GSDME: variants seen among roughly 807,000 people sequenced by gnomAD.
GSDME encodes the protein gasdermin E.
Under a neutral mutation model 47.5 loss-of-function variants are expected in GSDME, and 44 were observed. The observed-to-expected ratio is 0.93, with a 90% confidence interval of 0.73 to 1.19. GSDME has a LOEUF of 1.19. Ranked by LOEUF, GSDME falls within the 50% of genes most tolerant of loss-of-function variation. The pLI, the probability that GSDME is intolerant of heterozygous loss-of-function variation, is 0.00. For missense variants in GSDME, 663 were observed against 604.2 expected (o/e 1.10, Z -1.02); for synonymous variants, 258 against 252.8 (o/e 1.02, Z -0.20).
rs1017126875 is a variant in GSDME at position 24,716,930 on chromosome 7, T to C, written c.697+324A>G. On this transcript the variant is annotated intron_variant, in intron 5 of 9. Transcript: ENST00000645220. The surrounding 1 kb of genome is among the most constrained non-coding windows in gnomAD (Gnocchi z 4.5). Reference sequence around the variant, plus strand: ...CTCATAGGACATCATGGCACCGGGGTTGATGCCCAGTGTGTCTGATGCAGA... The same window carrying C: ...CTCATAGGACATCATGGCACCGGGGCTGATGCCCAGTGTGTCTGATGCAGA... The C allele has an allele frequency of 2.6e-6, 1 of 388,070 alleles. No homozygotes were observed. The highest frequency in any genetic ancestry group is 4.9e-6 in the Non-Finnish European group (1 of 202,074). 24.0% of individuals were successfully genotyped at this position (388,070 alleles called of 1,614,324 possible).
chr7:24,794,936 T>C, the GSDME span, among the ~76,000 whole-genome samples: 1 of 152,086 alleles, frequency 6.6e-6, no homozygotes, highest in Non-Finnish European at 1.5e-5. Flanking sequence ...CCAAAACAGT[T>C]CAAATCCAGA....
chr7:24,786,757 G>C, the GSDME span, among the ~76,000 whole-genome samples: 1 of 152,192 alleles, frequency 6.6e-6, no homozygotes. The surrounding 1 kb of genome is among the most constrained non-coding windows in gnomAD (Gnocchi z 5.5). Context: ...ACAGCAATGT[G>C]AATGTGTTTA....
At chr7:24,707,160 A>G (rs1164142583) in intron 7 of GSDME, 5 of 371,796 alleles carry the variant, frequency 1.3e-5, no homozygotes, top group Non-Finnish European at 2.1e-5. Context: ...TTTCGGCACA[A>G]TCTAATTTCA....
rs1789803540 is a variant in GSDME, at chr7:24,721,918, T to A, written c.405-2700A>T. Among the ~76,000 whole-genome samples the A allele has an allele frequency of 6.6e-6, 1 of 152,230 alleles. No individual in the cohort carries two copies. The stretch of plus-strand genomic sequence containing the variant: ...CCCCGAGGCGTTGGCACACATTCCC[T>A]GATGGCCACATTTCACTGACTCATT... On this transcript the variant is annotated intron_variant, in intron 3 of 9. Coordinates refer to ENST00000645220, the MANE Select transcript of GSDME (RefSeq NM_001127453.2). This position sits in a 1 kb window ranked among gnomAD's most constrained non-coding sequence, Gnocchi z 4.1.
intron 3 of GSDME, among the ~76,000 whole-genome samples, chr7:24,722,877 G>T (rs76847937): frequency 1.3e-5 from 2 of 152,288 alleles, no homozygotes; most frequent in Non-Finnish European, 2.9e-5. Context: ...TTGCTGAGTC[G>T]CTGCCTTCAA....
chr7:24,710,902 G>A (rs1789328979), intron 5 of GSDME, among the ~76,000 whole-genome samples: 1 of 152,198 alleles, frequency 6.6e-6, no homozygotes, highest in African/African-American at 2.4e-5. Flanking sequence ...TTATATGAAT[G>A]AATTTCACAA....
Position 24,745,658 on chromosome 7 carries a change from A to G in GSDME, c.212-904T>C, listed in dbSNP as rs1790645145. Among the ~76,000 whole-genome samples, 1 of 152,020 alleles carries G rather than the reference A, an allele frequency of 6.6e-6. No individual in the cohort carries two copies. Among genetic ancestry groups the G allele is most frequent in the Admixed American group, 6.6e-5 (1 of 15,262 alleles). ...GTGGCTCACATTTGTAATCCCAGCA[A>G]TTTAGGAGGCTGAGGCAGGAGGATC... On this transcript the variant is annotated intron_variant, in intron 2 of 9. Transcript: ENST00000645220. The surrounding 1 kb of genome is among the most constrained non-coding windows in gnomAD (Gnocchi z 4.4).
the GSDME span, among the ~76,000 whole-genome samples, chr7:24,781,108 G>C: frequency 6.6e-6 from 1 of 152,204 alleles, no homozygotes. Context: ...TACTGAATGG[G>C]TAGTGACAAA....
chr7:24,765,223 A>C, the GSDME span, among the ~76,000 whole-genome samples: 1 of 152,218 alleles, frequency 6.6e-6, no homozygotes, highest in African/African-American at 2.4e-5. Context: ...GCCCCTAGAG[A>C]AGTCACAGTG....
chr7:24,709,832 G>A (rs1789276192), intron 6 of GSDME, among the ~76,000 whole-genome samples: 1 of 152,124 alleles, frequency 6.6e-6, no homozygotes, highest in Non-Finnish European at 1.5e-5. Flanking sequence ...TCTTGACAAT[G>A]AAGCCCAGAA....
the GSDME span, among the ~76,000 whole-genome samples, chr7:24,777,077 A>G: frequency 1.3e-5 from 2 of 152,290 alleles, no homozygotes; most frequent in Middle Eastern, 3.4e-3. Context: ...AAAGTAACGA[A>G]TTACTTTTAT....
the GSDME span, among the ~76,000 whole-genome samples, chr7:24,790,102 CT>C: frequency 6.6e-6 from 1 of 152,204 alleles, no homozygotes; most frequent in Admixed American, 6.5e-5. The surrounding 1 kb of genome is among the most constrained non-coding windows in gnomAD (Gnocchi z 4.1). Context: ...ACTACTTGCC[CT>C]TGATCATCTA....
chr7:24,735,668 G>C lies in GSDME; in HGVS notation c.404+8894C>G, dbSNP rs1334591888. 6.6e-6 allele frequency among the ~76,000 whole-genome samples: 1 copy of C among 152,006 alleles called. No homozygotes were observed. Among genetic ancestry groups the C allele is most frequent in the African/African-American group, 2.4e-5 (1 of 41,384 alleles). On this transcript the variant is annotated intron_variant, in intron 3 of 9. Transcript: ENST00000645220. The surrounding 1 kb of genome is among the most constrained non-coding windows in gnomAD (Gnocchi z 4.4). ...AACTACTCAGGAGGCTGAGGCAGGA[G>C]AATCACTGGAACCTGGGAGGTAGAG... is the stretch of plus-strand genomic sequence containing the variant.
intron 3 of GSDME, among the ~76,000 whole-genome samples, chr7:24,730,045 G>A (rs1790094425): frequency 6.6e-6 from 1 of 152,196 alleles, no homozygotes; most frequent in African/African-American, 2.4e-5. Flanking sequence ...GGTGAAGAAG[G>A]AGCTATGTCT....
rs374257591 is a variant in GSDME, at chr7:24,738,227, TAA to T, written c.404+6333_404+6334del. 4.9e-3 allele frequency among the ~76,000 whole-genome samples: 748 copies of T among 152,194 alleles called. 1 individual carries two copies. Among genetic ancestry groups the T allele is most frequent in the Non-Finnish European group, 7.4e-3 (505 of 67,950 alleles). On this transcript the variant is annotated intron_variant, in intron 3 of 9. Coordinates refer to ENST00000645220, the MANE Select transcript of GSDME (RefSeq NM_001127453.2). ...ACATGATCTTATATTTGGAAAAACT[TAA>T]AGACTCCACCAAAAAACTATTAAAG...
intron 3 of GSDME, among the ~76,000 whole-genome samples, chr7:24,730,834 TAAA>T (rs1190440642): frequency 6.6e-6 from 1 of 151,670 alleles, no homozygotes; most frequent in Non-Finnish European, 1.5e-5. Flanking sequence ...AATAAAAAAA[TAAA>T]AAATGAAACT....
At chr7:24,794,805 G>A in the GSDME span, among the ~76,000 whole-genome samples, 2 of 151,898 alleles carry the variant, frequency 1.3e-5, no homozygotes, top group Admixed American at 1.3e-4. Flanking sequence ...CCACAAAGAG[G>A]GAAGGCAAAA....
the GSDME span, among the ~76,000 whole-genome samples, chr7:24,782,639 C>A: frequency 1.3e-5 from 2 of 152,174 alleles, no homozygotes; most frequent in Non-Finnish European, 2.9e-5. Flanking sequence ...GAGGAATTAC[C>A]ACACTGTCTT....
Position 24,712,241 on chromosome 7 carries a change from G to T in GSDME, c.698-1853C>A, listed in dbSNP as rs571658158. Among the ~76,000 whole-genome samples the T allele has an allele frequency of 6.6e-6, 1 of 152,310 alleles. No individual in the cohort carries two copies. Among genetic ancestry groups the T allele is most frequent in the South Asian group, 2.1e-4 (1 of 4,826 alleles). ...CTCCACACTTTGCGCTTAGCCACAGGGGTGCAGGAGTGTGAACCAGCACCT... is the reference window on the plus strand; with the variant it reads ...CTCCACACTTTGCGCTTAGCCACAGTGGTGCAGGAGTGTGAACCAGCACCT... On this transcript the variant is annotated intron_variant, in intron 5 of 9. Transcript: ENST00000645220. This position sits in a 1 kb window ranked among gnomAD's most constrained non-coding sequence, Gnocchi z 4.4.
Sources: allele counts gnomAD v4.1 joint callset (sites outside exome capture counted in the v4.1 genomes callset), GRCh38; gene constraint gnomAD v4.1.1; non-coding constraint Gnocchi (gnomAD v3.1); transcripts MANE v1.5; gene names NCBI Gene and HGNC (gene_info 2026-07-23, HGNC 2026-07-21).